AZIN2: variants seen among roughly 807,000 people sequenced by gnomAD.
The protein encoded by AZIN2 is antizyme inhibitor 2.
Under a neutral mutation model 47.8 loss-of-function variants are expected in AZIN2, and 28 were observed. That is an observed-to-expected ratio of 0.59 (90% CI 0.43 to 0.80). AZIN2 has a LOEUF of 0.80. Ranked by LOEUF, AZIN2 falls within the 30% of genes least tolerant of loss-of-function variation. AZIN2 has a pLI of 0.00. For missense variants in AZIN2, 535 were observed against 582.5 expected, an observed-to-expected ratio of 0.92 and a Z score of 0.84; for synonymous variants, 221 against 239.4, an observed-to-expected ratio of 0.92 and a Z score of 0.71.
chr1:33,136,824 C>G, the AZIN2 span, among the ~76,000 whole-genome samples: 1 of 151,678 alleles, frequency 6.6e-6, no homozygotes, highest in African/African-American at 2.4e-5. Flanking sequence ...TGGTGAAACC[C>G]TGTCTCTACT....
In AZIN2 at chr1:33,098,061, C is replaced by T; in HGVS notation, c.917-6C>T. 6.2e-7 allele frequency: 1 copy of T among 1,610,028 alleles called. No homozygotes were observed. Among genetic ancestry groups the T allele is most frequent in the Non-Finnish European group, 8.5e-7 (1 of 1,176,282 alleles). Reference sequence around the variant, plus strand: ...TGTGCTGCCTCTGAACCCTCCCCTCCTGCAGAGGAAAATGGTTCCACCTCC... The same window carrying T: ...TGTGCTGCCTCTGAACCCTCCCCTCTTGCAGAGGAAAATGGTTCCACCTCC... On this transcript the variant is annotated splice_region_variant and splice_polypyrimidine_tract_variant and intron_variant, in intron 9 of 11. Coordinates refer to ENST00000294517, the MANE Select transcript of AZIN2 (RefSeq NM_052998.4).
At chr1:33,096,506 G>A (rs760413717) in intron 8 of AZIN2, among the ~76,000 whole-genome samples, 3 of 152,182 alleles carry the variant, frequency 2.0e-5, no homozygotes, top group South Asian at 2.1e-4. Flanking sequence ...ACACAAGCAC[G>A]AGGCTCTCTA....
the AZIN2 span, chr1:33,158,433 C>A: frequency 7.5e-7 from 1 of 1,329,092 alleles, no homozygotes; most frequent in Non-Finnish European, 1.1e-6. Context: ...GCCAGGGGCC[C>A]CGCAGCCACC....
At chr1:33,130,885 T>C in the AZIN2 span, among the ~76,000 whole-genome samples, 4 of 152,044 alleles carry the variant, frequency 2.6e-5, no homozygotes, top group African/African-American at 9.7e-5. Flanking sequence ...ATTTGAGATA[T>C]GTCTGGAAAA....
chr1:33,109,729 C>CT (rs898378339), intron 10 of AZIN2, among the ~76,000 whole-genome samples: 227 of 148,826 alleles, frequency 1.5e-3, no homozygotes, highest in African/African-American at 3.1e-3. Flanking sequence ...GTGTTCTATT[C>CT]TTTTTTTTTT....
chr1:33,099,064 C>T (rs756314504), intron 10 of AZIN2, among the ~76,000 whole-genome samples: 7 of 152,182 alleles, frequency 4.6e-5, no homozygotes, highest in Non-Finnish European at 1.0e-4. Flanking sequence ...CATGCCTGGC[C>T]TCTTCCCATC....
At chr1:33,087,904 G>A (rs1034164859) in intron 5 of AZIN2, among the ~76,000 whole-genome samples, 2 of 152,148 alleles carry the variant, frequency 1.3e-5, no homozygotes, top group African/African-American at 4.8e-5. Context: ...GTCTCGCTGT[G>A]AGACGAGATT....
chr1:33,121,341 T>C lies in AZIN2; in HGVS notation c.*1159T>C, dbSNP rs1287860939. Reference sequence around the variant, plus strand: ...CACTTTGGGAGGCTGAGGCAGGTGATCACCTGAGGTCAGGAGTTCGAGACC... The same window carrying C: ...CACTTTGGGAGGCTGAGGCAGGTGACCACCTGAGGTCAGGAGTTCGAGACC... On this transcript the variant is annotated 3_prime_UTR_variant, in exon 12 of 12. Coordinates refer to ENST00000294517, the MANE Select transcript of AZIN2 (RefSeq NM_052998.4). Among the ~76,000 whole-genome samples the C allele has an allele frequency of 6.6e-6, 1 of 152,094 alleles. No individual in the cohort carries two copies. The highest frequency in any genetic ancestry group is 2.4e-5 in the African/African-American group (1 of 41,412).
chr1:33,138,489 T>C, the AZIN2 span, among the ~76,000 whole-genome samples: 1 of 152,032 alleles, frequency 6.6e-6, no homozygotes, highest in Non-Finnish European at 1.5e-5. Flanking sequence ...AGCGAGACCC[T>C]GTCTCTGCAA....
chr1:33,106,481 A>G (rs1034471993), intron 10 of AZIN2, among the ~76,000 whole-genome samples: 2 of 152,210 alleles, frequency 1.3e-5, no homozygotes, highest in African/African-American at 4.8e-5. Context: ...ATTACAGGCC[A>G]TGTTCACAGA....
Position 33,120,295 on chromosome 1 carries a change from G to C in AZIN2, c.*113G>C. ...TGGCCAGGACTCTGGTGCCCACCCT[G>C]CCACCCCCGCGCTCCACCTGCAGTG... is the stretch of plus-strand genomic sequence containing the variant. On this transcript the variant is annotated 3_prime_UTR_variant, in exon 12 of 12. Transcript: ENST00000294517. 3 of 1,429,476 alleles carry C rather than the reference G, an allele frequency of 2.1e-6. No individual in the cohort carries two copies. Among genetic ancestry groups the C allele is most frequent in the Non-Finnish European group, 2.8e-6 (3 of 1,061,820 alleles). The allele number at this position is 1,429,476 out of a possible 1,614,324, so 88.5% of individuals were successfully genotyped here.
In AZIN2 at chr1:33,123,251, A is replaced by T. The variant is rs1644827624; in HGVS notation, c.*3069A>T. Among the ~76,000 whole-genome samples the T allele has an allele frequency of 6.6e-6, 1 of 152,120 alleles. No homozygotes were observed. The highest frequency in any genetic ancestry group is 2.1e-4 in the South Asian group (1 of 4,820). ...CTCTTAACTAGTTTTCTTTTTCTTC[A>T]TAGTACCTACCACCACTCAACATAC... On this transcript the variant is annotated 3_prime_UTR_variant, in exon 12 of 12. Transcript: ENST00000294517.
chr1:33,128,422 C>T (rs1644871753), downstream of AZIN2, among the ~76,000 whole-genome samples: 1 of 152,080 alleles, frequency 6.6e-6, no homozygotes, highest in Admixed American at 6.6e-5. Flanking sequence ...CAGAACAGCA[C>T]CTGACACATG....
intron 10 of AZIN2, among the ~76,000 whole-genome samples, chr1:33,108,903 G>T (rs539169759): frequency 1.3e-5 from 2 of 152,290 alleles, no homozygotes; most frequent in African/African-American, 4.8e-5. Flanking sequence ...TACAATTGCT[G>T]GATCATATGG....
At position 33,098,158 on chromosome 1, in the gene AZIN2, C is replaced by G; in HGVS notation, c.1008C>G (p.Cys336Trp). The G allele has an allele frequency of 6.2e-7, 1 of 1,612,442 alleles. No individual in the cohort carries two copies. The highest frequency in any genetic ancestry group is 1.1e-5 in the South Asian group (1 of 90,790). Residue 336 changes from cysteine to tryptophan, a missense_variant, in exon 10 of 12, where the codon TGC becomes TGG. By Grantham distance (215) the Cys-to-Trp change is radical. Transcript: ENST00000294517. ...IFNSVLFDNI[C>W]PTPILQKKPS... The stretch of plus-strand genomic sequence containing the variant: ...ACTCAGTCCTGTTTGACAACATCTG[C>G]CCTACCCCCATCCTGCAGAAGGTGA...
intron 10 of AZIN2, among the ~76,000 whole-genome samples, chr1:33,103,432 C>G (rs964666022): frequency 5.9e-5 from 9 of 152,162 alleles, no homozygotes; most frequent in African/African-American, 2.2e-4. Flanking sequence ...CTCTTCCACT[C>G]ACCCCTGAGA....
At chr1:33,142,782 G>C in the AZIN2 span, 50 of 152,360 alleles carry the variant, frequency 3.3e-4, 1 homozygote, top group Admixed American at 2.7e-3. Context: ...CATTTCCAGA[G>C]AGGTCCAGTA....
intron 5 of AZIN2, among the ~76,000 whole-genome samples, chr1:33,086,646 T>C (rs151195361): frequency 1.4e-3 from 208 of 152,338 alleles, no homozygotes; most frequent in African/African-American, 4.6e-3. Context: ...CAGACATGCG[T>C]TGGACGGGGG....
the AZIN2 span, chr1:33,147,792 C>A: frequency 6.5e-7 from 1 of 1,543,252 alleles, no homozygotes. This position sits in a 1 kb window ranked among gnomAD's most constrained non-coding sequence, Gnocchi z 8.1. Flanking sequence ...CCATGCAGTG[C>A]CTTCCTGAGG....
Sources: gnomAD v4.1 joint callset for allele counts (sites outside exome capture counted in the v4.1 genomes callset) on GRCh38, gnomAD v4.1.1 for gene constraint, Gnocchi (gnomAD v3.1) non-coding constraint, MANE v1.5 for transcripts, NCBI Gene and HGNC (gene_info 2026-07-23, HGNC 2026-07-21) for gene names.